Variants in IRAK1BP1 observed in about 807,000 individuals in gnomAD.
IRAK1BP1 encodes the protein interleukin 1 receptor associated kinase 1 binding protein 1, also known as interleukin-1 receptor-associated kinase 1-binding protein 1.
In IRAK1BP1, 24 loss-of-function variants were observed where a neutral mutation model predicts 28.0. The observed-to-expected ratio is 0.86, with a 90% CI of 0.62 to 1.20. IRAK1BP1 has a LOEUF of 1.20. Among genes scored for constraint, IRAK1BP1 ranks in the 50% most tolerant of loss-of-function variants. IRAK1BP1 has a pLI of 0.00. For missense variants in IRAK1BP1, 336 were observed against 316.7 expected (o/e 1.06, Z -0.46); for synonymous variants, 131 against 116.3 (o/e 1.13, Z -0.81).
chr6:78,895,546 A>C (rs1771851562), intron 2 of IRAK1BP1, among the ~76,000 whole-genome samples: 2 of 152,206 alleles, frequency 1.3e-5, no homozygotes, highest in South Asian at 4.1e-4. Flanking sequence ...ATAAAGAATA[A>C]TATTAATACA....
At chr6:78,877,869 A>G (rs2127640799) in intron 1 of IRAK1BP1, among the ~76,000 whole-genome samples, 1 of 152,190 alleles carries the variant, frequency 6.6e-6, no homozygotes, top group East Asian at 1.9e-4. Flanking sequence ...AGAGGGTCCC[A>G]CACCCACAGA....
At position 78,875,107 on chromosome 6, in the gene IRAK1BP1, A is replaced by G. The variant is rs1450952604; in HGVS notation, c.315+7216A>G. Reference sequence around the variant, plus strand: ...GACACTTCTCAAAAGAAACCATACAAGCAGCCAGCAAACACATGGAAAAGT... The same window carrying G: ...GACACTTCTCAAAAGAAACCATACAGGCAGCCAGCAAACACATGGAAAAGT... On this transcript the variant is annotated intron_variant, in intron 1 of 3. Transcript: ENST00000369940. Among the ~76,000 whole-genome samples the G allele has an allele frequency of 2.6e-5, 4 of 152,338 alleles. No homozygotes were observed. The East Asian group carries it at 5.8e-4, about 22-fold the overall frequency.
At chr6:78,977,432 G>A in the IRAK1BP1 span, among the ~76,000 whole-genome samples, 3 of 152,072 alleles carry the variant, frequency 2.0e-5, no homozygotes, top group Non-Finnish European at 4.4e-5. Context: ...GCTAGATGAC[G>A]AGTTAGTGGG....
chr6:78,910,163 A>G (rs1772365393), intron 4 of IRAK1BP1, among the ~76,000 whole-genome samples: 2 of 152,190 alleles, frequency 1.3e-5, no homozygotes, highest in South Asian at 2.1e-4. Flanking sequence ...TGCAAGGTCC[A>G]TGACAGGGGA....
chr6:78,913,103 A>G (rs146427603), intron 4 of IRAK1BP1, among the ~76,000 whole-genome samples: 4,051 of 152,152 alleles, frequency 0.027, 73 homozygotes, highest in Non-Finnish European at 0.041. Flanking sequence ...TGGGAGGCCA[A>G]AGCAGGCGGA....
chr6:78,947,184 T>C (rs1773866292), downstream of IRAK1BP1, among the ~76,000 whole-genome samples: 2 of 152,186 alleles, frequency 1.3e-5, no homozygotes, highest in Admixed American at 1.3e-4. Flanking sequence ...TCCCAAATGT[T>C]TGAACCTGTT....
At chr6:78,938,645 G>A (rs1182001810) in intron 4 of IRAK1BP1, 1 of 151,574 alleles carries the variant, frequency 6.6e-6, no homozygotes, top group Non-Finnish European at 1.5e-5. Flanking sequence ...TCTGCATTAT[G>A]AAGAGTTTAA....
chr6:78,935,969 G>A (rs761533852), intron 4 of IRAK1BP1: 13 of 154,408 alleles, frequency 8.4e-5, no homozygotes, highest in Non-Finnish European at 1.7e-4. Context: ...TGTATAAAAG[G>A]ATTCAAAGAA....
At chr6:78,918,239 G>T (rs753682326) in intron 4 of IRAK1BP1, among the ~76,000 whole-genome samples, 2 of 152,124 alleles carry the variant, frequency 1.3e-5, no homozygotes, top group African/African-American at 4.8e-5. Flanking sequence ...TGAGGCTGCA[G>T]TGAGCCATGA....
At chr6:78,918,470 CAT>C (rs1772621565) in intron 4 of IRAK1BP1, among the ~76,000 whole-genome samples, 1 of 147,300 alleles carries the variant, frequency 6.8e-6, no homozygotes, top group African/African-American at 2.5e-5. Context: ...TTATGACACT[CAT>C]AGGCTCAGAG....
intron 1 of IRAK1BP1, among the ~76,000 whole-genome samples, chr6:78,874,367 T>C (rs1309109399): frequency 1.3e-5 from 2 of 152,204 alleles, no homozygotes; most frequent in Middle Eastern, 3.4e-3. Context: ...AGGGGAAGAG[T>C]GTATGACATG....
rs1424036901 is a variant in IRAK1BP1 at position 78,923,308 on chromosome 6, G to A, written c.*67+20198G>A. On this transcript the variant is annotated intron_variant and NMD_transcript_variant, in intron 4 of 4. Transcript: ENST00000606868. Reference sequence around the variant, plus strand: ...ATAAAACAGACTTTAAAGCAACAAAGATCCAAAGAGACAAGGCCTTTACAT... The same window carrying A: ...ATAAAACAGACTTTAAAGCAACAAAAATCCAAAGAGACAAGGCCTTTACAT... Among the ~76,000 whole-genome samples the A allele has an allele frequency of 3.3e-5, 5 of 151,672 alleles. No individual in the cohort carries two copies. In the East Asian group the frequency reaches 9.7e-4, roughly 29 times the overall value.
chr6:78,879,954 A>G (rs750193881), intron 1 of IRAK1BP1, among the ~76,000 whole-genome samples: 7 of 152,248 alleles, frequency 4.6e-5, no homozygotes, highest in Non-Finnish European at 2.9e-5. Context: ...GAAATGGGGA[A>G]GGTATTCCCA....
chr6:78,954,360 C>T, the IRAK1BP1 span, among the ~76,000 whole-genome samples: 1 of 152,072 alleles, frequency 6.6e-6, no homozygotes, highest in Non-Finnish European at 1.5e-5. Context: ...CCTGCCTCGG[C>T]CTCCCAAAGT....
At chr6:78,964,641 C>G in the IRAK1BP1 span, among the ~76,000 whole-genome samples, 1 of 152,026 alleles carries the variant, frequency 6.6e-6, no homozygotes, top group Non-Finnish European at 1.5e-5. Context: ...TACAGGCACA[C>G]GCCACCACGC....
At chr6:78,955,167 A>T in the IRAK1BP1 span, 1 of 1,144,622 alleles carries the variant, frequency 8.7e-7, no homozygotes, top group African/African-American at 1.6e-5. Context: ...GTAAAAAAAT[A>T]AAGAAAGCTC....
intron 4 of IRAK1BP1, chr6:78,940,639 A>T (rs1225876344): frequency 1.8e-6 from 2 of 1,116,708 alleles, no homozygotes; most frequent in Non-Finnish European, 2.5e-6. Context: ...AGTTCTACTT[A>T]TTCCTTAACT....
chr6:78,940,653 C>T (rs768704355), intron 4 of IRAK1BP1: 2 of 1,241,968 alleles, frequency 1.6e-6, no homozygotes, highest in Non-Finnish European at 2.2e-6. Flanking sequence ...CTTAACTGTA[C>T]CTGCTTTATA....
chr6:78,875,217 A>G (rs1011955233), intron 1 of IRAK1BP1, among the ~76,000 whole-genome samples: 13 of 152,210 alleles, frequency 8.5e-5, no homozygotes, highest in African/African-American at 3.1e-4. Flanking sequence ...GCTTTTATTA[A>G]AAAGTCAAAA....
Sources: allele counts gnomAD v4.1 joint callset (sites outside exome capture counted in the v4.1 genomes callset), GRCh38; gene constraint gnomAD v4.1.1; transcripts MANE v1.5; gene names NCBI Gene and HGNC (gene_info 2026-07-23, HGNC 2026-07-21).